The following NFAT5 variants were observed in gnomAD, a reference collection of about 807,000 sequenced individuals.
NFAT5 encodes the protein nuclear factor of activated T-cells 5.
A neutral mutation model predicts 166.5 loss-of-function variants in NFAT5; 31 were observed. The ratio of observed to expected loss-of-function variants is 0.19; its 90% confidence interval spans 0.14 to 0.25. The LOEUF (loss-of-function observed/expected upper bound fraction) is 0.25. Among genes scored for constraint, NFAT5 ranks in the 10% least tolerant of loss-of-function variants. The probability of loss-of-function intolerance (pLI) is 1.00; values close to 1 mark genes in which losing one functional copy is unlikely to be tolerated. For missense variants in NFAT5, 1,449 were observed against 1,821.8 expected (o/e 0.80, Z 3.72); for synonymous variants, 612 against 639.7 (o/e 0.96, Z 0.65).
intron 13 of NFAT5, 143 bp from the exon 14 acceptor site, chr16:69,694,993 T>C: frequency 6.1e-6 from 4 of 656,046 alleles, no homozygotes; most frequent in South Asian, 4.1e-5. Context: ...TTTAGTAATA[T>C]ACAAGGAGAA....
chr16:69,668,904 A>G (rs1028642373), intron 7 of NFAT5, among the ~76,000 whole-genome samples: 3 of 152,022 alleles, frequency 2.0e-5, no homozygotes, highest in African/African-American at 4.8e-5. Flanking sequence ...TATGCTACCA[A>G]TAAGCAATCC....
At chr16:69,632,281 T>G (rs574522365) in intron 3 of NFAT5, 3 of 152,248 alleles carry the variant, frequency 2.0e-5, no homozygotes, top group Admixed American at 2.0e-4. Flanking sequence ...GTTCCTACTA[T>G]GTGACAAGAA....
chr16:69,594,391 G>A (rs1389768129), intron 2 of NFAT5, among the ~76,000 whole-genome samples: 1 of 152,148 alleles, frequency 6.6e-6, no homozygotes, highest in Non-Finnish European at 1.5e-5. Context: ...GGAATTTTTA[G>A]TCTGCATTAT....
At chr16:69,628,294 A>G (rs2034556054) in intron 3 of NFAT5, among the ~76,000 whole-genome samples, 1 of 152,056 alleles carries the variant, frequency 6.6e-6, no homozygotes, top group Non-Finnish European at 1.5e-5. Flanking sequence ...CTGTGAGTTG[A>G]AAAATCATGA....
intron 2 of NFAT5, among the ~76,000 whole-genome samples, chr16:69,605,375 G>A (rs573619398): frequency 6.6e-6 from 1 of 152,160 alleles, no homozygotes; most frequent in Non-Finnish European, 1.5e-5. Context: ...AGGAGGCGGA[G>A]GTTGCAGTGA....
intron 2 of NFAT5, among the ~76,000 whole-genome samples, chr16:69,622,154 A>T (rs1416205132): frequency 3.3e-5 from 5 of 152,176 alleles, no homozygotes; most frequent in African/African-American, 1.2e-4. Context: ...GAGAAAGGCC[A>T]GTGGCTGTGT....
intron 7 of NFAT5, among the ~76,000 whole-genome samples, chr16:69,663,433 A>G (rs2036232335): frequency 6.6e-6 from 1 of 152,010 alleles, no homozygotes; most frequent in African/African-American, 2.4e-5. Flanking sequence ...TGTTATATCA[A>G]ATTAAGAATA....
Position 69,653,279 on chromosome 16 carries a change from A to G in NFAT5, c.856A>G (p.Met286Val), listed in dbSNP as rs2035750914. ...QKGTGVKKSP[M>V]LCGQYPVKSE... ...AGGAACTGGAGTAAAGAAGAGCCCT[A>G]TGTTGTGTGGACAATATCCTGTTAA... is the stretch of plus-strand genomic sequence containing the variant. Residue 286 changes from methionine (M) to valine (V), a missense_variant, in exon 5 of 15, where the codon ATG (methionine) becomes GTG (valine). Physicochemically the swap from Met to Val is conservative, Grantham distance 21. This residue lies in a region of NFAT5 where 115 missense variants were observed against 177.1 expected (regional missense o/e 0.65). Transcript: ENST00000349945. The G allele has an allele frequency of 5.6e-6, 9 of 1,609,286 alleles. No individual in the cohort carries two copies. The highest frequency in any genetic ancestry group is 7.6e-6 in the Non-Finnish European group (9 of 1,178,734).
At chr16:69,673,850 AT>A (rs1442894976) in intron 9 of NFAT5, among the ~76,000 whole-genome samples, 107 of 152,362 alleles carry the variant, frequency 7.0e-4, no homozygotes, top group African/African-American at 2.1e-3. Context: ...AGAAAAGACC[AT>A]TTAAAGATAA....
chr16:69,598,088 T>G (rs2032908928), intron 2 of NFAT5, among the ~76,000 whole-genome samples: 1 of 152,170 alleles, frequency 6.6e-6, no homozygotes, highest in Non-Finnish European at 1.5e-5. Flanking sequence ...ATTGATATAC[T>G]GAATATTAAA....
At position 69,701,085 on chromosome 16, in the gene NFAT5, C is replaced by A. The variant is rs188604844; in HGVS notation, c.*4734C>A. The A allele has an allele frequency of 6.6e-6, 1 of 152,268 alleles. No homozygotes were observed. The highest frequency in any genetic ancestry group is 2.4e-5 in the African/African-American group (1 of 41,492). The allele number at this position is 152,268 out of a possible 1,614,324, so 9.4% of individuals were successfully genotyped here. On this transcript the variant is annotated 3_prime_UTR_variant, in exon 15 of 15. Coordinates refer to ENST00000349945, the MANE Select transcript of NFAT5 (RefSeq NM_138713.4). ...TCAGCCTCCCAAGTAGCCAGGATTA[C>A]AGGCACCCTCCACTAGGCCCGGCTA...
Position 69,612,088 on chromosome 16 carries a change from G to A in NFAT5, c.128-14315G>A, listed in dbSNP as rs147464105. On this transcript the variant is annotated intron_variant, in intron 2 of 14. Coordinates refer to ENST00000349945, the MANE Select transcript of NFAT5 (RefSeq NM_138713.4). ...ATTTATTACCTCTTATTTATTAGCA[G>A]TGTTTCTGAAATAATATTAAAATTA... is the stretch of plus-strand genomic sequence containing the variant. 2.1e-3 allele frequency among the ~76,000 whole-genome samples: 322 copies of A among 152,266 alleles called. 2 individuals carry two copies. Among genetic ancestry groups the A allele is most frequent in the Non-Finnish European group, 2.8e-3 (191 of 68,018 alleles).
intron 9 of NFAT5, among the ~76,000 whole-genome samples, chr16:69,676,271 T>C (rs1597526371): frequency 2.6e-5 from 4 of 152,308 alleles, no homozygotes; most frequent in Non-Finnish European, 1.5e-5. Context: ...TAAGAAGATA[T>C]AGTACCCTTG....
At chr16:69,575,267 A>G (rs2016680276) in intron 2 of NFAT5, among the ~76,000 whole-genome samples, 1 of 152,016 alleles carries the variant, frequency 6.6e-6, no homozygotes, top group African/African-American at 2.4e-5. Flanking sequence ...TCTTGGGTTC[A>G]AGCAATTCTC....
intron 2 of NFAT5, among the ~76,000 whole-genome samples, chr16:69,625,420 T>TA (rs1251922312): frequency 6.6e-6 from 1 of 152,076 alleles, no homozygotes; most frequent in Non-Finnish European, 1.5e-5. Context: ...CGTAATCTAA[T>TA]ATAGGTATTT....
intron 2 of NFAT5, among the ~76,000 whole-genome samples, chr16:69,574,831 G>T (rs539825292): frequency 6.6e-6 from 1 of 152,022 alleles, no homozygotes; most frequent in East Asian, 1.9e-4. Context: ...ACCATGTCCA[G>T]CTAATTTTTT....
chr16:69,667,550 A>G (rs887896587), intron 7 of NFAT5, among the ~76,000 whole-genome samples: 1 of 152,012 alleles, frequency 6.6e-6, no homozygotes, highest in Non-Finnish European at 1.5e-5. Context: ...GTAAATACGA[A>G]TATGTAGAAG....
chr16:69,655,600 TG>T lies in NFAT5; in HGVS notation c.1006-7del. 1 of 1,548,552 alleles carries T rather than the reference TG, an allele frequency of 6.5e-7. No individual in the cohort carries two copies. Reference sequence around the variant, plus strand: ...ATTAGTGTTTCTGTTGCATGTTTTCTGGTTTCAGCTGGAAGGCCATAATGAA... The same window carrying T: ...ATTAGTGTTTCTGTTGCATGTTTTCTGTTTCAGCTGGAAGGCCATAATGAA... On this transcript the variant is annotated splice_polypyrimidine_tract_variant and splice_region_variant and intron_variant, in intron 5 of 14. Transcript: ENST00000349945.
At chr16:69,568,471 C>T (rs764300925) in intron 1 of NFAT5, 24 bp from the exon 2 acceptor site, 1 of 1,592,378 alleles carries the variant, frequency 6.3e-7, no homozygotes, top group East Asian at 2.3e-5. Flanking sequence ...ATAAAAAGTA[C>T]CTAATGCTTT....
Sources: allele counts gnomAD v4.1 joint callset (sites outside exome capture counted in the v4.1 genomes callset), GRCh38; gene constraint gnomAD v4.1.1; regional missense constraint gnomAD v4.1.1; transcripts MANE v1.5; gene names NCBI Gene and HGNC (gene_info 2026-07-23, HGNC 2026-07-21).